LDLRAD3: variants seen among roughly 807,000 people sequenced by gnomAD.
LDLRAD3 encodes low-density lipoprotein receptor class A domain-containing protein 3.
LDLRAD3 carries 20 observed loss-of-function variants against 29.4 expected under a neutral mutation model. That is an observed-to-expected ratio of 0.68 (90% confidence interval 0.48 to 0.99). The LOEUF (loss-of-function observed/expected upper bound fraction) is 0.99, where lower values mean the gene tolerates loss of function less well. Among genes scored for constraint, LDLRAD3 ranks in the 50% least tolerant of loss-of-function variants. The pLI, the probability that LDLRAD3 is intolerant of heterozygous loss-of-function variation, is 0.00. For synonymous variants in LDLRAD3, 157 were observed against 192.7 expected (o/e 0.81, Z 1.53); for missense variants, 420 against 454.3 (o/e 0.92, Z 0.69).
intron 2 of LDLRAD3, among the ~76,000 whole-genome samples, chr11:36,078,750 C>T (rs1259080802): frequency 6.6e-6 from 1 of 152,186 alleles, no homozygotes. Flanking sequence ...GCCTCAGTGC[C>T]CCTCTCTGCC....
At chr11:36,227,488 A>AT (rs1317188360) in intron 5 of LDLRAD3, 58 bp downstream of exon 5, 7 of 1,285,086 alleles carry the variant, frequency 5.4e-6, no homozygotes, top group Non-Finnish European at 6.4e-6. Flanking sequence ...GGGGAGGGGA[A>AT]TAGGTGCACA....
At chr11:36,095,199 A>T (rs567378240) in intron 3 of LDLRAD3, among the ~76,000 whole-genome samples, 1 of 152,182 alleles carries the variant, frequency 6.6e-6, no homozygotes, top group South Asian at 2.1e-4. Flanking sequence ...AAGAAAAAAG[A>T]GTCTCTCTAG....
chr11:36,157,633 G>T (rs2133334229), intron 4 of LDLRAD3, among the ~76,000 whole-genome samples: 1 of 152,252 alleles, frequency 6.6e-6, no homozygotes, highest in East Asian at 1.9e-4. Flanking sequence ...CTACTATTTT[G>T]CGGGTCTCTG....
chr11:36,005,477 C>T (rs1851873083), intron 1 of LDLRAD3, among the ~76,000 whole-genome samples: 1 of 152,234 alleles, frequency 6.6e-6, no homozygotes, highest in Admixed American at 6.5e-5. Flanking sequence ...GCCCGGACTT[C>T]ATTGTCCATG....
Position 36,047,243 on chromosome 11 carries a change from TA to T in LDLRAD3, c.193+10999del, listed in dbSNP as rs562564831. On this transcript the variant is annotated intron_variant, in intron 2 of 5. Transcript: ENST00000315571. Reference sequence around the variant, plus strand: ...TGTTTATAAAGCAAGAGCTTGCACATAAAAATTAGATTATCAGGTTTTCTTG... The same window carrying T: ...TGTTTATAAAGCAAGAGCTTGCACATAAAATTAGATTATCAGGTTTTCTTG... Among the ~76,000 whole-genome samples, 12 of 152,334 alleles carry T rather than the reference TA, an allele frequency of 7.9e-5. No individual in the cohort carries two copies. The South Asian group carries it at 2.5e-3, about 32-fold the overall frequency.
intron 4 of LDLRAD3, among the ~76,000 whole-genome samples, chr11:36,199,062 G>A (rs975270183): frequency 3.9e-5 from 6 of 152,044 alleles, no homozygotes; most frequent in Admixed American, 2.0e-4. Context: ...CACCTCGCCC[G>A]GCTAATTTTT....
intron 4 of LDLRAD3, among the ~76,000 whole-genome samples, chr11:36,167,970 G>A (rs1264600202): frequency 6.6e-6 from 1 of 152,158 alleles, no homozygotes; most frequent in Admixed American, 6.5e-5. Context: ...GAGTCACTGT[G>A]GGTGGGAATG....
At chr11:36,116,992 C>A (rs1052201982) in intron 4 of LDLRAD3, among the ~76,000 whole-genome samples, 1 of 152,038 alleles carries the variant, frequency 6.6e-6, no homozygotes, top group Non-Finnish European at 1.5e-5. Flanking sequence ...CAGGCGCGAG[C>A]TGCCATGCCC....
chr11:36,130,979 C>T (rs972868073), intron 4 of LDLRAD3, among the ~76,000 whole-genome samples: 2 of 152,204 alleles, frequency 1.3e-5, no homozygotes, highest in Non-Finnish European at 2.9e-5. Flanking sequence ...CTACCTGGTA[C>T]CCGTCACAAC....
chr11:35,950,637 T>C (rs1354059898), intron 1 of LDLRAD3, among the ~76,000 whole-genome samples: 2 of 152,192 alleles, frequency 1.3e-5, no homozygotes, highest in African/African-American at 4.8e-5. Context: ...ACTGGGATCA[T>C]ATATTAAGTG....
intron 3 of LDLRAD3, among the ~76,000 whole-genome samples, chr11:36,089,726 A>G (rs540649549): frequency 1.3e-5 from 2 of 152,050 alleles, no homozygotes; most frequent in African/African-American, 2.4e-5. Flanking sequence ...CAGCCTCTTA[A>G]GTAGCTAGAA....
intron 1 of LDLRAD3, among the ~76,000 whole-genome samples, chr11:36,024,406 A>G (rs906791393): frequency 6.6e-6 from 1 of 152,086 alleles, no homozygotes; most frequent in Non-Finnish European, 1.5e-5. Context: ...TCCCTCAGCA[A>G]TGCTGCCAGG....
chr11:36,076,845 A>AT (rs150318328), intron 2 of LDLRAD3, among the ~76,000 whole-genome samples: 37 of 150,756 alleles, frequency 2.5e-4, no homozygotes, highest in East Asian at 5.8e-4. Context: ...AGTATTGTAG[A>AT]TTTTTTTTTT....
chr11:36,156,358 G>T (rs1854351216), intron 4 of LDLRAD3, among the ~76,000 whole-genome samples: 1 of 152,204 alleles, frequency 6.6e-6, no homozygotes, highest in Non-Finnish European at 1.5e-5. Context: ...TGTTCGTATA[G>T]CCAGCTCTGC....
At chr11:36,050,556 T>C (rs971133845) in intron 2 of LDLRAD3, among the ~76,000 whole-genome samples, 34 of 152,204 alleles carry the variant, frequency 2.2e-4, no homozygotes, top group African/African-American at 8.2e-4. Context: ...TGGAGGCCAC[T>C]GGCCAGTCTG....
At chr11:36,096,219 A>T (rs1364588791) in intron 3 of LDLRAD3, among the ~76,000 whole-genome samples, 1 of 152,240 alleles carries the variant, frequency 6.6e-6, no homozygotes, top group Non-Finnish European at 1.5e-5. Context: ...AAAAGTCTTC[A>T]GTTCCTCAGC....
chr11:36,057,617 C>G (rs1260516788), intron 2 of LDLRAD3, among the ~76,000 whole-genome samples: 1 of 152,166 alleles, frequency 6.6e-6, no homozygotes, highest in African/African-American at 2.4e-5. Flanking sequence ...CAGACTGCCT[C>G]TTCGTCTTCT....
At chr11:36,060,480 C>T (rs1172933964) in intron 2 of LDLRAD3, among the ~76,000 whole-genome samples, 2 of 152,100 alleles carry the variant, frequency 1.3e-5, no homozygotes, top group African/African-American at 2.4e-5. Flanking sequence ...TCTTAATCAC[C>T]CCACCACAGT....
Position 36,195,655 on chromosome 11 carries a change from A to T in LDLRAD3, c.455-31430A>T, listed in dbSNP as rs560069957. 5.3e-5 allele frequency among the ~76,000 whole-genome samples: 8 copies of T among 152,326 alleles called. No homozygotes were observed. The South Asian group carries it at 1.2e-3, about 24-fold the overall frequency. The stretch of plus-strand genomic sequence containing the variant: ...GGGCTGCAAAACAGCCCTTCGATGC[A>T]TCAGACTTGTGCCTGTGTATATTTG... On this transcript the variant is annotated intron_variant, in intron 4 of 5. Coordinates refer to ENST00000315571, the MANE Select transcript of LDLRAD3 (RefSeq NM_174902.4).
Sources: allele counts gnomAD v4.1 joint callset (sites outside exome capture counted in the v4.1 genomes callset), GRCh38; gene constraint gnomAD v4.1.1; transcripts MANE v1.5; gene names NCBI Gene and HGNC (gene_info 2026-07-23, HGNC 2026-07-21).